MATK: variants seen among roughly 807,000 people sequenced by gnomAD.
MATK encodes the protein megakaryocyte-associated tyrosine kinase.
Under a neutral mutation model 59.8 loss-of-function variants are expected in MATK, and 41 were observed. The ratio of observed to expected loss-of-function variants is 0.69; its 90% CI spans 0.53 to 0.89. The LOEUF (loss-of-function observed/expected upper bound fraction) is 0.89. Among genes scored for constraint, MATK ranks in the 40% least tolerant of loss-of-function variants. MATK has a pLI of 0.00. For missense variants in MATK, 593 were observed against 719.6 expected (o/e 0.82, Z 2.01); for synonymous variants, 308 against 306.1 (o/e 1.01, Z -0.06).
At chr19:3,793,240 C>T (rs573308727) in intron 1 of MATK, 10 of 152,328 alleles carry the variant, frequency 6.6e-5, no homozygotes, top group Non-Finnish European at 7.3e-5. Flanking sequence ...AGGTTTCATC[C>T]GTGGAAACTG....
intron 1 of MATK, among the ~76,000 whole-genome samples, chr19:3,798,971 A>ATT (rs112711436): frequency 2.4e-4 from 32 of 131,056 alleles, no homozygotes; most frequent in South Asian, 1.2e-3. Context: ...ATACCTGGCT[A>ATT]TTTTTTTTTT....
At chr19:3,800,378 CAGCACTTTGGGAGGCCA>C (rs1307332457) in intron 1 of MATK, among the ~76,000 whole-genome samples, 13 of 152,138 alleles carry the variant, frequency 8.5e-5, no homozygotes, top group African/African-American at 2.2e-4. Context: ...CCTGTAGTCC[CAGCACTTTGGGAGGCCA>C]AGCACTTTGG....
At chr19:3,799,768 G>T (rs1198692627) in intron 1 of MATK, among the ~76,000 whole-genome samples, 1 of 151,928 alleles carries the variant, frequency 6.6e-6, no homozygotes, top group Non-Finnish European at 1.5e-5. Context: ...TTGAACCCAG[G>T]AGGCAGAGGT....
intron 7 of MATK, chr19:3,782,798 G>C: frequency 2.6e-6 from 1 of 385,932 alleles, no homozygotes; most frequent in South Asian, 3.0e-5. Context: ...GCTGTGGGGA[G>C]GGGAGGGGAG....
chr19:3,801,246 A>G (rs2037640741), intron 1 of MATK, among the ~76,000 whole-genome samples: 1 of 152,146 alleles, frequency 6.6e-6, no homozygotes, highest in East Asian at 1.9e-4. Flanking sequence ...ATCACCTGAG[A>G]CACCTTCTCA....
intron 7 of MATK, among the ~76,000 whole-genome samples, chr19:3,782,278 G>GTTCTC (rs2037412922): frequency 6.6e-6 from 1 of 152,148 alleles, no homozygotes; most frequent in African/African-American, 2.4e-5. Context: ...TTCTGCAGAC[G>GTTCTC]TTCTCTTCTC....
At chr19:3,789,303 C>G (rs1257143691), upstream of MATK, 8 of 779,234 alleles carry the variant, frequency 1.0e-5, no homozygotes, top group Admixed American at 1.4e-4. Flanking sequence ...GGGTCCCTCG[C>G]CGAGGTCTGC....
upstream of MATK, among the ~76,000 whole-genome samples, chr19:3,788,794 C>G: frequency 6.6e-6 from 1 of 151,684 alleles, no homozygotes; most frequent in South Asian, 2.1e-4. Flanking sequence ...TGGATTCAAG[C>G]AATTCTCCTG....
intron 1 of MATK, among the ~76,000 whole-genome samples, chr19:3,801,260 C>T (rs967597051): frequency 6.6e-6 from 1 of 152,176 alleles, no homozygotes; most frequent in African/African-American, 2.4e-5. Context: ...CTTCTCAGTC[C>T]CAGAAGCTAA....
At chr19:3,795,136 C>G (rs966978175) in intron 1 of MATK, among the ~76,000 whole-genome samples, 8 of 151,822 alleles carry the variant, frequency 5.3e-5, no homozygotes, top group African/African-American at 1.7e-4. Flanking sequence ...CGCCACCACA[C>G]CCGCCTAATT....
intron 1 of MATK, 21 bp from the exon 2 acceptor site, chr19:3,785,307 G>A: frequency 1.4e-6 from 2 of 1,435,944 alleles, no homozygotes; most frequent in Non-Finnish European, 1.8e-6. Flanking sequence ...GGCAGGGGCA[G>A]GGTGGGGAAA....
chr19:3,778,707 A>T, intron 12 of MATK, 112 bp from the exon 13 acceptor site: 1 of 1,224,470 alleles, frequency 8.2e-7, no homozygotes, highest in Non-Finnish European at 1.2e-6. Context: ...TCTTCTCCTA[A>T]TTGAGTCCTC....
Position 3,783,856 on chromosome 19 carries a change from G to A in MATK, c.540C>T (p.Ile180=), listed in dbSNP as rs1340450382. ...GGTTGCAGAAGAACACGGCCTCATC[G>A]ATTGTGAGGTGGCCGTCGCGGTGCA... ...RVLHRDGHLT[I]DEAVFFCNLM... The change falls in exon 6 of 14, where the codon ATC becomes ATT. Residue 180 remains isoleucine, a synonymous_variant. Coordinates refer to ENST00000310132, the MANE Select transcript of MATK (RefSeq NM_139355.3). 1.4e-5 allele frequency: 22 copies of A among 1,613,008 alleles called. No homozygotes were observed. The highest frequency in any genetic ancestry group is 1.7e-5 in the Non-Finnish European group (20 of 1,179,794).
Position 3,779,385 on chromosome 19 carries a change from A to T in MATK, c.994T>A (p.Phe332Ile). The change falls in exon 11 of 14, where the codon TTT becomes ATT. Residue 332 changes from phenylalanine (F) to isoleucine (I), a missense_variant. Transcript: ENST00000310132. ...CCTGAGAGTCCCACTTACAGAGAAA[A>T]CTGCAGGAGCTGAGCGGTGTTCACG... ...ALVNTAQLLQFSLHVAEGMEY... is the reference protein window; with the variant it reads ...ALVNTAQLLQISLHVAEGMEY... 1 of 1,613,160 alleles carries T rather than the reference A, an allele frequency of 6.2e-7. No individual in the cohort carries two copies. Among genetic ancestry groups the T allele is most frequent in the Non-Finnish European group, 8.5e-7 (1 of 1,179,960 alleles).
At position 3,785,185 on chromosome 19, in the gene MATK, T is replaced by G; in HGVS notation, c.-50A>C. ...GGTGAGAGGCACACTGAGCAAGTGG[T>G]CACAGTCGGGGACGCTGGGAATGGC... On this transcript the variant is annotated 5_prime_UTR_variant, in exon 2 of 14. Transcript: ENST00000310132. 6.2e-7 allele frequency: 1 copy of G among 1,612,732 alleles called. No individual in the cohort carries two copies.
chr19:3,779,462 TG>T lies in MATK; in HGVS notation c.928-12del. On this transcript the variant is annotated splice_polypyrimidine_tract_variant and intron_variant, in intron 10 of 13. Coordinates refer to ENST00000310132, the MANE Select transcript of MATK (RefSeq NM_139355.3). ...GTTCACCAGGTTGCCCTGTTGGGGGTGGGAGATGGCCGCGGGATGTTGGGGC... is the reference window on the plus strand; with the variant it reads ...GTTCACCAGGTTGCCCTGTTGGGGGTGGAGATGGCCGCGGGATGTTGGGGC... 6.2e-7 allele frequency: 1 copy of T among 1,612,814 alleles called. No individual in the cohort carries two copies. Among genetic ancestry groups the T allele is most frequent in the Non-Finnish European group, 8.5e-7 (1 of 1,179,896 alleles).
At chr19:3,792,855 G>A (rs1241921590) in intron 1 of MATK, among the ~76,000 whole-genome samples, 1 of 152,168 alleles carries the variant, frequency 6.6e-6, no homozygotes, top group African/African-American at 2.4e-5. Flanking sequence ...GACAGGCCGG[G>A]GTGGGGAGGC....
At chr19:3,796,354 A>G (rs1258621825) in intron 1 of MATK, among the ~76,000 whole-genome samples, 2 of 152,144 alleles carry the variant, frequency 1.3e-5, no homozygotes, top group South Asian at 2.1e-4. Flanking sequence ...CCCTTGATTT[A>G]TCAGTTGGAT....
chr19:3,779,496 C>T, intron 10 of MATK, 37 bp downstream of exon 10: 1 of 1,610,750 alleles, frequency 6.2e-7, no homozygotes, highest in Non-Finnish European at 8.5e-7. Flanking sequence ...GGCTGCTCCG[C>T]TGCGTGGGCC....
Sources: gnomAD v4.1 joint callset for allele counts (sites outside exome capture counted in the v4.1 genomes callset) on GRCh38, gnomAD v4.1.1 for gene constraint, MANE v1.5 for transcripts, NCBI Gene and HGNC (gene_info 2026-07-23, HGNC 2026-07-21) for gene names.